The following SNRPB2 variants were observed in gnomAD, a reference collection of about 807,000 sequenced individuals.
The protein encoded by SNRPB2 is U2 small nuclear ribonucleoprotein B''.
Under a neutral mutation model 26.3 loss-of-function variants are expected in SNRPB2, and 16 were observed. That is an observed-to-expected ratio of 0.61 (90% CI 0.41 to 0.92). SNRPB2 has a LOEUF of 0.92. Ranked by LOEUF, SNRPB2 falls within the 40% of genes least tolerant of loss-of-function variation. The pLI is 0.00. For missense variants in SNRPB2, 179 were observed against 268.1 expected (o/e 0.67, Z 2.32); for synonymous variants, 75 against 89.0 (o/e 0.84, Z 0.88).
At chr20:16,737,469 G>T (rs571001863) in intron 4 of SNRPB2, 68 bp downstream of exon 4, 1 of 1,413,052 alleles carries the variant, frequency 7.1e-7, no homozygotes, top group East Asian at 2.3e-5. Flanking sequence ...TGTCTTACAG[G>T]TAAGGAATGA....
intron 5 of SNRPB2, among the ~76,000 whole-genome samples, chr20:16,739,905 A>AT (rs200518385): frequency 0.2 from 27,310 of 139,336 alleles, 2,896 homozygotes; most frequent in South Asian, 0.31. Flanking sequence ...TCTAGTTCCA[A>AT]TTTTTTTTTT....
chr20:16,730,966 T>C (rs1308571177), intron 1 of SNRPB2: 1 of 152,296 alleles, frequency 6.6e-6, no homozygotes, highest in Non-Finnish European at 1.5e-5. Context: ...TGTGCTAGAA[T>C]TCATTTAGTC....
chr20:16,732,187 C>T lies in SNRPB2; in HGVS notation c.88C>T (p.Leu30=). ...AGAATTGAAGAGATCCCTATATGCC[C>T]TGTTTTCTCAGTTTGGTCATGTGGT... ...KEELKRSLYA[L]FSQFGHVVDI... Residue 30 remains leucine (L), a synonymous_variant, in exon 3 of 7, where the codon CTG becomes TTG. Coordinates refer to ENST00000246071, the MANE Select transcript of SNRPB2 (RefSeq NM_003092.5). 2 of 1,600,476 alleles carry T rather than the reference C, an allele frequency of 1.2e-6. No homozygotes were observed. The highest frequency in any genetic ancestry group is 1.7e-5 in the Admixed American group (1 of 57,872).
At position 16,740,952 on chromosome 20, in the gene SNRPB2, G is replaced by A; in HGVS notation, c.625G>A (p.Gly209Arg). The A allele has an allele frequency of 6.2e-7, 1 of 1,612,906 alleles. No individual in the cohort carries two copies. Among genetic ancestry groups the A allele is most frequent in the Non-Finnish European group, 8.5e-7 (1 of 1,179,024 alleles). ...TGGAGCTGCCAGGGATGCTTTACAGGGATTTAAGATCACACCGTCCCATGC... is the reference window on the plus strand; with the variant it reads ...TGGAGCTGCCAGGGATGCTTTACAGAGATTTAAGATCACACCGTCCCATGC... ...QAGAARDALQ[G>R]FKITPSHAMK... is the part of the protein sequence containing the mutation. The change falls in exon 7 of 7, where the codon GGA becomes AGA. Residue 209 changes from glycine to arginine, a missense_variant. This residue lies in a region of SNRPB2 where 34 missense variants were observed against 87.4 expected (regional missense o/e 0.39). Transcript: ENST00000246071.
intron 3 of SNRPB2, among the ~76,000 whole-genome samples, chr20:16,736,396 A>G (rs1158937515): frequency 6.6e-6 from 1 of 152,168 alleles, no homozygotes; most frequent in African/African-American, 2.4e-5. Flanking sequence ...ATTAATCTTT[A>G]CAAATGTTAC....
At chr20:16,739,660 C>T (rs1374245633) in intron 5 of SNRPB2, among the ~76,000 whole-genome samples, 5 of 152,076 alleles carry the variant, frequency 3.3e-5, no homozygotes, top group Non-Finnish European at 7.4e-5. Context: ...ATTTTTTATA[C>T]TTGCTCTTTT....
At position 16,740,842 on chromosome 20, in the gene SNRPB2, A is replaced by G. The variant is rs891306882; in HGVS notation, c.519-4A>G. 3.7e-6 allele frequency: 6 copies of G among 1,605,010 alleles called. No homozygotes were observed. The highest frequency in any genetic ancestry group is 1.3e-5 in the African/African-American group (1 of 74,712). On this transcript the variant is annotated splice_polypyrimidine_tract_variant and splice_region_variant and intron_variant, in intron 6 of 6. Transcript: ENST00000246071. ...TATACATGAATTGTTTTTCTTCTTT[A>G]TAGGTTCCCTGGCTTCAAGGAAGTA...
chr20:16,730,208 C>T (rs569075767), intron 1 of SNRPB2, 44 bp downstream of exon 1: 12 of 152,436 alleles, frequency 7.9e-5, no homozygotes, highest in African/African-American at 2.9e-4. Context: ...GAGGGGCAGG[C>T]TTGGGGGTGA....
intron 2 of SNRPB2, among the ~76,000 whole-genome samples, 186 bp downstream of exon 2, chr20:16,731,952 C>T (rs1368334965): frequency 1.3e-5 from 2 of 152,094 alleles, no homozygotes; most frequent in East Asian, 3.9e-4. Context: ...ACAGTGTGTA[C>T]AGTCTGTTTC....
chr20:16,737,890 T>G (rs934262977), intron 4 of SNRPB2, among the ~76,000 whole-genome samples: 4 of 150,918 alleles, frequency 2.7e-5, no homozygotes, highest in African/African-American at 9.8e-5. Context: ...CAAAAAAAAT[T>G]TAGCTGGGCT....
rs749585945 is a variant in SNRPB2, at chr20:16,740,835, C to T, written c.519-11C>T. 5.6e-6 allele frequency: 9 copies of T among 1,599,518 alleles called. No homozygotes were observed. In the Admixed American group the frequency reaches 1.5e-4, roughly 27 times the overall value. On this transcript the variant is annotated splice_polypyrimidine_tract_variant and intron_variant, in intron 6 of 6. Transcript: ENST00000246071. Reference sequence around the variant, plus strand: ...CTTGCTGTATACATGAATTGTTTTTCTTCTTTATAGGTTCCCTGGCTTCAA... The same window carrying T: ...CTTGCTGTATACATGAATTGTTTTTTTTCTTTATAGGTTCCCTGGCTTCAA...
At chr20:16,737,172 G>T in intron 3 of SNRPB2, 89 bp from the exon 4 acceptor site, 1 of 1,038,742 alleles carries the variant, frequency 9.6e-7, no homozygotes, top group Non-Finnish European at 1.4e-6. Context: ...AGCTTGTAGT[G>T]TATTTGCGTA....
intron 6 of SNRPB2, 109 bp downstream of exon 6, chr20:16,740,522 A>G (rs897327937): frequency 2.5e-5 from 38 of 1,495,328 alleles, no homozygotes; most frequent in Non-Finnish European, 3.2e-5. Context: ...TTACAGGTTC[A>G]TTGATTTGGT....
At chr20:16,739,160 T>C (rs1399299395) in intron 5 of SNRPB2, among the ~76,000 whole-genome samples, 2 of 152,202 alleles carry the variant, frequency 1.3e-5, no homozygotes, top group Non-Finnish European at 2.9e-5. Flanking sequence ...TGACAGACTT[T>C]AAACTCTAAG....
intron 3 of SNRPB2, 39 bp downstream of exon 3, chr20:16,732,375 A>G (rs567154930): frequency 9.0e-7 from 1 of 1,114,442 alleles, no homozygotes; most frequent in Non-Finnish European, 1.3e-6. Context: ...TCAAGAAATT[A>G]ATGATATTGA....
chr20:16,735,377 G>T (rs2072418764), intron 3 of SNRPB2, among the ~76,000 whole-genome samples: 1 of 149,746 alleles, frequency 6.7e-6, no homozygotes, highest in Non-Finnish European at 1.5e-5. Context: ...AATTCTTTCA[G>T]CTCCAAGGAG....
intron 6 of SNRPB2, among the ~76,000 whole-genome samples, 154 bp from the exon 7 acceptor site, chr20:16,740,692 A>T (rs991917172): frequency 2.0e-5 from 3 of 152,226 alleles, no homozygotes; most frequent in African/African-American, 7.2e-5. Flanking sequence ...CCATGGTATT[A>T]ATTACACATG....
chr20:16,740,590 T>A (rs1047895438), intron 6 of SNRPB2, among the ~76,000 whole-genome samples, 177 bp downstream of exon 6: 1 of 152,190 alleles, frequency 6.6e-6, no homozygotes, highest in African/African-American at 2.4e-5. Flanking sequence ...AAAGCTAAAT[T>A]TCCTCTAATG....
chr20:16,732,389 G>A, intron 3 of SNRPB2, 53 bp downstream of exon 3: 1 of 942,848 alleles, frequency 1.1e-6, no homozygotes, highest in African/African-American at 1.7e-5. Context: ...ATATTGATGG[G>A]ACAGTAGATT....
Sources: allele counts gnomAD v4.1 joint callset (sites outside exome capture counted in the v4.1 genomes callset), GRCh38; gene constraint gnomAD v4.1.1; regional missense constraint gnomAD v4.1.1; transcripts MANE v1.5; gene names NCBI Gene and HGNC (gene_info 2026-07-23, HGNC 2026-07-21).